TENM4: variants seen among roughly 807,000 people sequenced by gnomAD.
The protein encoded by TENM4 is teneurin transmembrane protein 4, also known as teneurin-4.
A neutral mutation model predicts 243.3 loss-of-function variants in TENM4; 82 were observed. That is an observed-to-expected ratio of 0.34 (90% CI 0.28 to 0.40). The LOEUF (loss-of-function observed/expected upper bound fraction) is 0.40. TENM4 is among the 10% of genes least tolerant of loss of function. The pLI, the probability that TENM4 is intolerant of heterozygous loss-of-function variation, is 1.00. For missense variants in TENM4, 3,138 were observed against 3,673.3 expected (o/e 0.85, Z 3.77); for synonymous variants, 1,412 against 1,456.3 (o/e 0.97, Z 0.69).
At position 78,807,828 on chromosome 11, in the gene TENM4, G is replaced by A. The variant is rs568550468; in HGVS notation, c.1979-2336C>T. ...TCTCCATTTGGCCTCAAGGGTCAAGGGACAAAATGTACTGGTTCTAGGTCC... is the reference window on the plus strand; with the variant it reads ...TCTCCATTTGGCCTCAAGGGTCAAGAGACAAAATGTACTGGTTCTAGGTCC... On this transcript the variant is annotated intron_variant, in intron 14 of 33. Transcript: ENST00000278550. 3.9e-5 allele frequency among the ~76,000 whole-genome samples: 6 copies of A among 152,220 alleles called. No homozygotes were observed. In the South Asian group the frequency reaches 1.2e-3, roughly 32 times the overall value.
intron 4 of TENM4, among the ~76,000 whole-genome samples, chr11:79,114,142 C>T (rs543080960): frequency 2.0e-5 from 3 of 152,252 alleles, no homozygotes; most frequent in East Asian, 1.9e-4. Context: ...TCTATGAGCT[C>T]GTGTTCAGGC....
chr11:79,355,246 C>T (rs564324386), intron 1 of TENM4, among the ~76,000 whole-genome samples: 1 of 152,284 alleles, frequency 6.6e-6, no homozygotes, highest in South Asian at 2.1e-4. Context: ...AAAACTTGAA[C>T]CCTCAGCCAG....
chr11:78,884,287 G>A (rs1272892271), intron 9 of TENM4, among the ~76,000 whole-genome samples: 1 of 152,206 alleles, frequency 6.6e-6, no homozygotes, highest in African/African-American at 2.4e-5. Flanking sequence ...CCATCATGCG[G>A]CTCCTGGTTC....
intron 32 of TENM4, among the ~76,000 whole-genome samples, chr11:78,661,866 C>T (rs1396721101): frequency 6.6e-6 from 1 of 152,090 alleles, no homozygotes; most frequent in African/African-American, 2.4e-5. Context: ...ACTTCAACTC[C>T]CAGGACCTCT....
At chr11:78,839,202 C>T (rs1431526680) in intron 12 of TENM4, among the ~76,000 whole-genome samples, 4 of 152,174 alleles carry the variant, frequency 2.6e-5, no homozygotes, top group South Asian at 2.1e-4. Context: ...CAAATCTCTT[C>T]AATTCCCTTT....
chr11:78,973,764 A>G (rs536670390), intron 6 of TENM4, among the ~76,000 whole-genome samples: 1 of 151,618 alleles, frequency 6.6e-6, no homozygotes, highest in Non-Finnish European at 1.5e-5. Context: ...TTGCCATTAA[A>G]TATAATGGCA....
chr11:79,070,754 C>T lies in TENM4; in HGVS notation c.-65-745G>A, dbSNP rs1054207298. 1.1e-4 allele frequency among the ~76,000 whole-genome samples: 16 copies of T among 152,186 alleles called. No homozygotes were observed. In the South Asian group the frequency reaches 2.9e-3, roughly 28 times the overall value. ...TCTGACAGATGAGAAAACTGAGACT[C>T]GGAACCCCCTTCAAGGTCACTTAGG... On this transcript the variant is annotated intron_variant, in intron 4 of 33. Transcript: ENST00000278550.
At chr11:78,963,731 CTTTTT>C (rs66777307) in intron 6 of TENM4, among the ~76,000 whole-genome samples, 2 of 99,000 alleles carry the variant, frequency 2.0e-5, no homozygotes, top group Admixed American at 1.0e-4. Context: ...GGTTCCATGA[CTTTTT>C]TTTTTTTTTT....
intron 9 of TENM4, among the ~76,000 whole-genome samples, chr11:78,864,303 G>A (rs1042333263): frequency 4.0e-5 from 6 of 150,792 alleles, no homozygotes; most frequent in South Asian, 2.1e-4. Flanking sequence ...GCGTAGTGGC[G>A]GGCGCCTGTA....
chr11:79,003,118 A>C (rs112091357), intron 6 of TENM4, among the ~76,000 whole-genome samples: 5 of 152,344 alleles, frequency 3.3e-5, no homozygotes, highest in African/African-American at 1.2e-4. Context: ...AAAAAGAAGA[A>C]AGAAGAATGA....
chr11:79,414,764 T>G (rs562276994), intron 1 of TENM4, among the ~76,000 whole-genome samples: 1 of 152,364 alleles, frequency 6.6e-6, no homozygotes, highest in African/African-American at 2.4e-5. Context: ...AGAGAGGGGC[T>G]GAGCAGAGAC....
chr11:78,669,465 C>T lies in TENM4; in HGVS notation c.6880G>A (p.Asp2294Asn), dbSNP rs774943359. 3.1e-6 allele frequency: 5 copies of T among 1,613,302 alleles called. No homozygotes were observed. The highest frequency in any genetic ancestry group is 2.2e-5 in the East Asian group (1 of 44,876). ...AGSWSVRYRY[D>N]GLGRRVSSKS... Reference sequence around the variant, plus strand: ...CTGGACACGCGCCGCCCCAGGCCATCGTAGCGGTACCTGACACTCCAGCTG... The same window carrying T: ...CTGGACACGCGCCGCCCCAGGCCATTGTAGCGGTACCTGACACTCCAGCTG... The change falls in exon 32 of 34, where the codon GAT (aspartate) becomes AAT (asparagine). Residue 2294 changes from aspartate (D) to asparagine (N), a missense_variant. Asp to Asn is a conservative substitution (Grantham distance 23). Coordinates refer to ENST00000278550, the MANE Select transcript of TENM4 (RefSeq NM_001098816.3). The surrounding 1 kb of genome is among the most constrained non-coding windows in gnomAD (Gnocchi z 6.4).
chr11:78,709,785 A>G (rs549874474), intron 26 of TENM4, among the ~76,000 whole-genome samples: 11 of 152,300 alleles, frequency 7.2e-5, no homozygotes, highest in Admixed American at 5.2e-4. Context: ...AGGTTTTTCA[A>G]TATACACCTG....
chr11:79,298,023 T>C (rs1192579261), intron 1 of TENM4, among the ~76,000 whole-genome samples: 1 of 151,944 alleles, frequency 6.6e-6, no homozygotes, highest in Non-Finnish European at 1.5e-5. Flanking sequence ...ACGCCAGTCA[T>C]GATTTTCCTC....
At chr11:78,869,884 TAAG>T (rs1317101788) in intron 9 of TENM4, among the ~76,000 whole-genome samples, 1 of 152,204 alleles carries the variant, frequency 6.6e-6, no homozygotes, top group Non-Finnish European at 1.5e-5. Context: ...GATAGTTTGT[TAAG>T]AGGCTTTTTT....
chr11:79,066,476 A>G (rs533162660), intron 5 of TENM4, among the ~76,000 whole-genome samples: 2 of 152,280 alleles, frequency 1.3e-5, no homozygotes, highest in Non-Finnish European at 2.9e-5. Flanking sequence ...GGTGTGTCCT[A>G]ATTATCTGAA....
intron 4 of TENM4, among the ~76,000 whole-genome samples, chr11:79,102,371 C>T (rs1861254866): frequency 6.6e-6 from 1 of 152,214 alleles, no homozygotes; most frequent in Non-Finnish European, 1.5e-5. Context: ...CCCTCTTGTT[C>T]AACCATGGGC....
At chr11:78,781,435 G>A (rs148704504) in intron 16 of TENM4, among the ~76,000 whole-genome samples, 1 of 152,150 alleles carries the variant, frequency 6.6e-6, no homozygotes, top group Non-Finnish European at 1.5e-5. Flanking sequence ...GATAATAAAG[G>A]TACTATAGCT....
chr11:79,384,752 C>T (rs1046575103), intron 1 of TENM4, among the ~76,000 whole-genome samples: 1 of 151,608 alleles, frequency 6.6e-6, no homozygotes, highest in Non-Finnish European at 1.5e-5. Flanking sequence ...ATGATGAAAC[C>T]CTGTCTCTAC....
Sources: allele counts gnomAD v4.1 joint callset (sites outside exome capture counted in the v4.1 genomes callset), GRCh38; gene constraint gnomAD v4.1.1; non-coding constraint Gnocchi (gnomAD v3.1); transcripts MANE v1.5; gene names NCBI Gene and HGNC (gene_info 2026-07-23, HGNC 2026-07-21).